Variants in EPHA6 observed in about 807,000 individuals in gnomAD.
EPHA6 encodes EPH receptor A6.
In EPHA6, 50 loss-of-function variants were observed where a neutral mutation model predicts 112.0. That is an observed-to-expected ratio of 0.45 (90% CI 0.36 to 0.56). EPHA6 has a LOEUF of 0.56. EPHA6 is among the 20% of genes least tolerant of loss of function. EPHA6 has a pLI of 0.00. For missense variants in EPHA6, 1,280 were observed against 1,417.4 expected, an observed-to-expected ratio of 0.90 and a Z score of 1.56; for synonymous variants, 529 against 490.7, an observed-to-expected ratio of 1.08 and a Z score of -1.03.
intron 2 of EPHA6, among the ~76,000 whole-genome samples, chr3:96,980,402 T>A (rs1455234202): frequency 1.3e-5 from 2 of 152,126 alleles, no homozygotes; most frequent in African/African-American, 4.8e-5. Context: ...TTCTGTTCCA[T>A]TGGTCTATAT....
intron 3 of EPHA6, among the ~76,000 whole-genome samples, chr3:97,143,764 G>A (rs1000090900): frequency 6.6e-6 from 1 of 151,614 alleles, no homozygotes; most frequent in Non-Finnish European, 1.5e-5. Context: ...AAGTTTTGTA[G>A]AACTGTCAAC....
At chr3:97,055,419 A>G (rs1184853197) in intron 3 of EPHA6, among the ~76,000 whole-genome samples, 1 of 152,112 alleles carries the variant, frequency 6.6e-6, no homozygotes, top group Non-Finnish European at 1.5e-5. Flanking sequence ...AACCTCTACC[A>G]ATTAAGATTC....
At chr3:97,711,659 A>C (rs1559620116) in intron 14 of EPHA6, among the ~76,000 whole-genome samples, 1 of 152,128 alleles carries the variant, frequency 6.6e-6, no homozygotes, top group Non-Finnish European at 1.5e-5. Flanking sequence ...CAGAAGAGAA[A>C]GCAAACTCAC....
chr3:97,066,136 A>AG (rs553630534), intron 3 of EPHA6, among the ~76,000 whole-genome samples: 495 of 152,182 alleles, frequency 3.3e-3, no homozygotes, highest in African/African-American at 0.01. Flanking sequence ...AAAATCAAGG[A>AG]GGGGGTACAC....
At chr3:96,889,080 C>T (rs2037803083) in intron 2 of EPHA6, among the ~76,000 whole-genome samples, 1 of 152,138 alleles carries the variant, frequency 6.6e-6, no homozygotes, top group Admixed American at 6.5e-5. Flanking sequence ...CAAGAATCAC[C>T]TTTGCTCTAG....
chr3:97,649,118 G>C (rs1051101253), intron 14 of EPHA6, among the ~76,000 whole-genome samples: 1 of 152,062 alleles, frequency 6.6e-6, no homozygotes, highest in African/African-American at 2.4e-5. Context: ...ACATATCTGA[G>C]ACTGGGTGAT....
intron 3 of EPHA6, among the ~76,000 whole-genome samples, chr3:97,030,467 G>T (rs958959251): frequency 3.9e-5 from 6 of 151,962 alleles, no homozygotes; most frequent in African/African-American, 1.4e-4. Flanking sequence ...ATAGAGCACG[G>T]GTTATGTCTC....
intron 3 of EPHA6, among the ~76,000 whole-genome samples, chr3:97,206,835 A>C (rs2108507006): frequency 6.6e-6 from 1 of 152,270 alleles, no homozygotes; most frequent in East Asian, 1.9e-4. Context: ...ATTCCACTTC[A>C]GAATAATCAA....
chr3:97,152,711 T>C (rs991578466), intron 3 of EPHA6, among the ~76,000 whole-genome samples: 2 of 152,080 alleles, frequency 1.3e-5, no homozygotes, highest in Non-Finnish European at 2.9e-5. Flanking sequence ...ATGAGAATGG[T>C]CTTAATGATT....
chr3:97,550,707 AG>A (rs2093018024), intron 11 of EPHA6, among the ~76,000 whole-genome samples: 2 of 152,282 alleles, frequency 1.3e-5, no homozygotes, highest in African/African-American at 4.8e-5. Flanking sequence ...CAAGAAATAG[AG>A]GGGGAAATCC....
At chr3:96,980,145 G>A (rs147408693) in intron 2 of EPHA6, among the ~76,000 whole-genome samples, 8 of 152,144 alleles carry the variant, frequency 5.3e-5, no homozygotes, top group African/African-American at 1.9e-4. Flanking sequence ...GTCCTGAACG[G>A]TATTACCTAG....
intron 2 of EPHA6, among the ~76,000 whole-genome samples, chr3:96,971,201 T>G (rs1377381572): frequency 6.6e-6 from 1 of 152,106 alleles, no homozygotes; most frequent in Non-Finnish European, 1.5e-5. Flanking sequence ...TGGGATAATC[T>G]ATTCCTTCTT....
chr3:97,614,138 T>G (rs1306776175), intron 13 of EPHA6, among the ~76,000 whole-genome samples: 2 of 152,098 alleles, frequency 1.3e-5, no homozygotes, highest in African/African-American at 4.8e-5. Context: ...ACTTTAAGTT[T>G]TAGGGTACAT....
At chr3:97,331,582 A>G (rs2082801408) in intron 5 of EPHA6, among the ~76,000 whole-genome samples, 1 of 152,222 alleles carries the variant, frequency 6.6e-6, no homozygotes, top group Non-Finnish European at 1.5e-5. Context: ...GATCCCACAG[A>G]AATACAAACT....
chr3:97,238,762 A>T (rs2078754950), intron 4 of EPHA6, among the ~76,000 whole-genome samples: 1 of 151,890 alleles, frequency 6.6e-6, no homozygotes, highest in Admixed American at 6.6e-5. Context: ...ATGAAGGGTG[A>T]GTAGGAATTT....
intron 3 of EPHA6, among the ~76,000 whole-genome samples, chr3:97,191,085 A>G (rs541766507): frequency 1.3e-5 from 2 of 152,162 alleles, no homozygotes; most frequent in East Asian, 3.9e-4. Flanking sequence ...TGTCTTCTGT[A>G]TCCTAACTTA....
chr3:97,059,004 T>C (rs1283160625), intron 3 of EPHA6, among the ~76,000 whole-genome samples: 1 of 152,118 alleles, frequency 6.6e-6, no homozygotes, highest in Non-Finnish European at 1.5e-5. Context: ...GGGACGCAGA[T>C]TATCTCTGCC....
intron 3 of EPHA6, among the ~76,000 whole-genome samples, chr3:96,990,990 A>G (rs1054227874): frequency 6.6e-6 from 1 of 150,732 alleles, no homozygotes; most frequent in East Asian, 1.9e-4. Flanking sequence ...ATTAATCTAC[A>G]GTATTGATTT....
At chr3:97,511,435 G>A (rs2092362938) in intron 10 of EPHA6, among the ~76,000 whole-genome samples, 1 of 152,084 alleles carries the variant, frequency 6.6e-6, no homozygotes, top group African/African-American at 2.4e-5. Context: ...CTAGAGGAGG[G>A]GGTTCCTCGA....
Sources: gnomAD v4.1 joint callset for allele counts (sites outside exome capture counted in the v4.1 genomes callset) on GRCh38, gnomAD v4.1.1 for gene constraint, MANE v1.5 for transcripts, NCBI Gene and HGNC (gene_info 2026-07-23, HGNC 2026-07-21) for gene names.